The following GRIK4 variants were observed in gnomAD, a reference collection of about 807,000 sequenced individuals.
GRIK4 encodes glutamate ionotropic receptor kainate type subunit 4.
Under a neutral mutation model 104.9 loss-of-function variants are expected in GRIK4, and 40 were observed. The ratio of observed to expected loss-of-function variants is 0.38; its 90% confidence interval spans 0.30 to 0.50. The LOEUF is 0.50. Ranked by LOEUF, GRIK4 falls within the 20% of genes least tolerant of loss-of-function variation. GRIK4 has a pLI of 0.93. For missense variants in GRIK4, 1,047 were observed against 1,308.1 expected (o/e 0.80, Z 3.08); for synonymous variants, 485 against 524.9 (o/e 0.92, Z 1.04).
intron 3 of GRIK4, among the ~76,000 whole-genome samples, chr11:120,686,823 C>T (rs898356421): frequency 3.9e-5 from 6 of 152,222 alleles, no homozygotes; most frequent in African/African-American, 1.4e-4. Flanking sequence ...CACGCATAGG[C>T]AGAGCAGCGG....
intron 1 of GRIK4, among the ~76,000 whole-genome samples, chr11:120,603,341 CT>C (rs1403121932): frequency 6.6e-6 from 1 of 152,228 alleles, no homozygotes; most frequent in Admixed American, 6.5e-5. Context: ...CTGATTCTGC[CT>C]TCAGTGACAT....
chr11:120,575,613 C>T (rs1368752670), intron 1 of GRIK4, among the ~76,000 whole-genome samples: 1 of 152,052 alleles, frequency 6.6e-6, no homozygotes, highest in African/African-American at 2.4e-5. Flanking sequence ...GCCTCACATA[C>T]CTACCCAGGC....
chr11:120,664,251 G>C (rs753575017), intron 3 of GRIK4, among the ~76,000 whole-genome samples: 2 of 152,192 alleles, frequency 1.3e-5, no homozygotes, highest in Non-Finnish European at 2.9e-5. Flanking sequence ...ATGTCCATCT[G>C]TCTGTCTTAC....
rs550877280 is a variant in GRIK4 at position 120,801,965 on chromosome 11, G to C, written c.83-728G>C. On this transcript the variant is annotated intron_variant, in intron 3 of 20. Coordinates refer to ENST00000527524, the MANE Select transcript of GRIK4 (RefSeq NM_014619.5). ...TACCATAACATTTATCCTTAACACT[G>C]CTCCCAGAAGTTGGGCAACTGTTGG... Among the ~76,000 whole-genome samples the C allele has an allele frequency of 2.6e-5, 4 of 152,320 alleles. No homozygotes were observed. The East Asian group carries it at 7.7e-4, about 29-fold the overall frequency.
rs934916994 is a variant in GRIK4, at chr11:120,953,747, GGCTGTTGGGCCA to G, written c.1700+786_1700+797del. ...CAAAGGTAGTTTCGCTCCAGGCCAAGGCTGTTGGGCCAGCCTGAGCTGCAGGAGAGCCAGCTT... is the reference window on the plus strand; with the variant it reads ...CAAAGGTAGTTTCGCTCCAGGCCAAGGCCTGAGCTGCAGGAGAGCCAGCTT... On this transcript the variant is annotated intron_variant, in intron 15 of 20. Transcript: ENST00000527524. The surrounding 1 kb of genome is among the most constrained non-coding windows in gnomAD (Gnocchi z 4.9). Among the ~76,000 whole-genome samples the G allele has an allele frequency of 1.3e-5, 2 of 152,194 alleles. No individual in the cohort carries two copies. Among genetic ancestry groups the G allele is most frequent in the Admixed American group, 1.3e-4 (2 of 15,286 alleles).
intron 3 of GRIK4, among the ~76,000 whole-genome samples, chr11:120,712,006 C>G (rs918264761): frequency 1.3e-5 from 2 of 152,242 alleles, no homozygotes; most frequent in African/African-American, 2.4e-5. Context: ...GTGCCATGCT[C>G]TTTGTGAGGT....
chr11:120,983,784 G>T (rs1468108249), intron 20 of GRIK4, among the ~76,000 whole-genome samples: 4 of 152,118 alleles, frequency 2.6e-5, no homozygotes, highest in African/African-American at 9.7e-5. Context: ...AGTTATTTTG[G>T]TATCAGCCCC....
intron 19 of GRIK4, among the ~76,000 whole-genome samples, chr11:120,977,541 C>T (rs756626826): frequency 1.6e-4 from 24 of 152,368 alleles, no homozygotes; most frequent in Middle Eastern, 3.4e-3. Context: ...TTTTTCAACT[C>T]TGACTCTGCC....
chr11:120,637,810 AC>A (rs1949417714), intron 1 of GRIK4, among the ~76,000 whole-genome samples: 1 of 151,764 alleles, frequency 6.6e-6, no homozygotes, highest in Non-Finnish European at 1.5e-5. Context: ...ACAGAACCAT[AC>A]CTCTCCCACC....
Position 120,723,744 on chromosome 11 carries a change from A to G in GRIK4, c.82+63344A>G, listed in dbSNP as rs1242075941. 4.6e-5 allele frequency among the ~76,000 whole-genome samples: 7 copies of G among 152,104 alleles called. No individual in the cohort carries two copies. The East Asian group carries it at 1.3e-3, about 29-fold the overall frequency. On this transcript the variant is annotated intron_variant, in intron 3 of 20. Coordinates refer to ENST00000527524, the MANE Select transcript of GRIK4 (RefSeq NM_014619.5). ...TGGATAGGACATCTGAAAGTGCTTT[A>G]TAAGCTGTGACGCTCCAAACCAGTG...
intron 3 of GRIK4, among the ~76,000 whole-genome samples, chr11:120,704,055 T>C (rs1950593328): frequency 6.6e-6 from 1 of 152,242 alleles, no homozygotes; most frequent in Admixed American, 6.5e-5. Context: ...AACGAAACTC[T>C]TTGAAACCCA....
chr11:120,652,865 C>T (rs991710088), intron 1 of GRIK4, among the ~76,000 whole-genome samples: 18 of 152,178 alleles, frequency 1.2e-4, no homozygotes, highest in Non-Finnish European at 2.1e-4. Flanking sequence ...GCTATTTGCA[C>T]AACTGGGCCG....
intron 1 of GRIK4, among the ~76,000 whole-genome samples, chr11:120,569,236 A>G (rs959834936): frequency 1.3e-5 from 2 of 152,246 alleles, no homozygotes; most frequent in Non-Finnish European, 2.9e-5. Context: ...AATATGGGAA[A>G]GGGCTACTTG....
chr11:120,652,548 C>T (rs1949634150), intron 1 of GRIK4, among the ~76,000 whole-genome samples: 1 of 152,212 alleles, frequency 6.6e-6, no homozygotes. Flanking sequence ...TGCTGGCTGC[C>T]ACTTGGAGTT....
intron 1 of GRIK4, among the ~76,000 whole-genome samples, chr11:120,610,922 A>G (rs183904652): frequency 6.6e-6 from 1 of 152,296 alleles, no homozygotes; most frequent in Admixed American, 6.5e-5. Context: ...ATTGGTGCTC[A>G]GGCCTTTTAC....
intron 1 of GRIK4, among the ~76,000 whole-genome samples, chr11:120,526,540 G>A (rs1356511802): frequency 6.6e-6 from 1 of 152,162 alleles, no homozygotes; most frequent in African/African-American, 2.4e-5. Context: ...AATTCAAAAA[G>A]TTTGTTTTTA....
At chr11:120,826,761 C>T (rs966129312) in intron 6 of GRIK4, among the ~76,000 whole-genome samples, 1 of 152,236 alleles carries the variant, frequency 6.6e-6, no homozygotes, top group Non-Finnish European at 1.5e-5. Flanking sequence ...TCTTCCCTGC[C>T]TGTTCCTGGA....
intron 1 of GRIK4, among the ~76,000 whole-genome samples, chr11:120,588,323 C>T (rs1948693809): frequency 6.6e-6 from 1 of 152,166 alleles, no homozygotes; most frequent in African/African-American, 2.4e-5. Context: ...GGTGATCATC[C>T]TGCCAGCCAA....
chr11:120,749,166 C>A (rs897600786), intron 3 of GRIK4, among the ~76,000 whole-genome samples: 7 of 151,662 alleles, frequency 4.6e-5, no homozygotes, highest in Admixed American at 1.3e-4. Flanking sequence ...TTTTTTTGCC[C>A]CAGGGGAGTT....
Sources: allele counts gnomAD v4.1 joint callset (sites outside exome capture counted in the v4.1 genomes callset), GRCh38; gene constraint gnomAD v4.1.1; non-coding constraint Gnocchi (gnomAD v3.1); transcripts MANE v1.5; gene names NCBI Gene and HGNC (gene_info 2026-07-23, HGNC 2026-07-21).